The following OGFRL1 variants were observed in gnomAD, a reference collection of about 807,000 sequenced individuals.
OGFRL1 encodes the protein opioid growth factor receptor-like protein 1.
Under a neutral mutation model 32.4 loss-of-function variants are expected in OGFRL1, and 26 were observed. The ratio of observed to expected loss-of-function variants is 0.80; its 90% CI spans 0.59 to 1.11. The LOEUF (loss-of-function observed/expected upper bound fraction) is 1.11, where lower values mean the gene tolerates loss of function less well. Among genes scored for constraint, OGFRL1 ranks in the 50% most tolerant of loss-of-function variants. The probability of loss-of-function intolerance (pLI) is 0.00; values close to 1 mark genes in which losing one functional copy is unlikely to be tolerated. For synonymous variants in OGFRL1, 211 were observed against 201.2 expected (o/e 1.05, Z -0.41); for missense variants, 521 against 546.4 (o/e 0.95, Z 0.46).
At chr6:71,289,198 C>A in intron 1 of OGFRL1, 28 bp downstream of exon 1, 1 of 1,059,492 alleles carries the variant, frequency 9.4e-7, no homozygotes, top group South Asian at 4.0e-5. Context: ...GGCCTCGGGT[C>A]GGGCTGGGGC....
At chr6:71,293,257 G>A (rs369684122) in intron 1 of OGFRL1, 36 bp from the exon 2 acceptor site, 37 of 1,540,294 alleles carry the variant, frequency 2.4e-5, no homozygotes, top group Middle Eastern at 3.4e-4. Context: ...ATTATCTTGC[G>A]TCAACATGTA....
rs1464213301 is a variant in OGFRL1 at position 71,302,415 on chromosome 6, G to A, written c.*366G>A. 1 of 157,118 alleles carries A rather than the reference G, an allele frequency of 6.4e-6. No homozygotes were observed. Among genetic ancestry groups the A allele is most frequent in the Non-Finnish European group, 1.4e-5 (1 of 71,490 alleles). 9.7% of individuals were successfully genotyped at this position (157,118 alleles called of 1,614,324 possible). ...ATAGTCTACATGAAGGAAATCAAGA[G>A]GATAATTTCATTGGATTGCTACACT... is the stretch of plus-strand genomic sequence containing the variant. On this transcript the variant is annotated 3_prime_UTR_variant, in exon 7 of 7. Transcript: ENST00000370435.
intron 1 of OGFRL1, chr6:71,289,719 G>A (rs761151363): frequency 5.6e-5 from 55 of 985,178 alleles, no homozygotes; most frequent in Non-Finnish European, 6.3e-5. Flanking sequence ...TTCAACCTAG[G>A]ATTCAGGGCA....
In OGFRL1 at chr6:71,303,905, A is replaced by ATGTCTAC. The variant is rs1265978446; in HGVS notation, c.*1858_*1864dup. The ATGTCTAC allele has an allele frequency of 6.6e-6, 1 of 152,176 alleles. No homozygotes were observed. Among genetic ancestry groups the ATGTCTAC allele is most frequent in the African/African-American group, 2.4e-5 (1 of 41,452 alleles). The allele number at this position is 152,176 out of a possible 1,614,324, so 9.4% of individuals were successfully genotyped here. A position where few individuals can be genotyped will look rare whatever the true frequency, so the allele number is the denominator to read the frequency against. ...AGTTAAAGCAATGAATAGATGAAACATGTCTACTTTATTTCATTTAGAAAG... is the reference window on the plus strand; with the variant it reads ...AGTTAAAGCAATGAATAGATGAAACATGTCTACTGTCTACTTTATTTCATTTAGAAAG... On this transcript the variant is annotated 3_prime_UTR_variant, in exon 7 of 7. Coordinates refer to ENST00000370435, the MANE Select transcript of OGFRL1 (RefSeq NM_024576.5).
Position 71,308,867 on chromosome 6 carries a change from A to G in OGFRL1, c.*6818A>G, listed in dbSNP as rs1766633969. 1 of 152,198 alleles carries G rather than the reference A, an allele frequency of 6.6e-6. No homozygotes were observed. Among genetic ancestry groups the G allele is most frequent in the South Asian group, 2.1e-4 (1 of 4,830 alleles). 9.4% of individuals were successfully genotyped at this position (152,198 alleles called of 1,614,324 possible). On this transcript the variant is annotated 3_prime_UTR_variant, in exon 7 of 7. Transcript: ENST00000370435. ...CTGTAAAACTAATAAAAGCCACTCC[A>G]TCTTAGATAACATTTTAGCATTGTG... is the stretch of plus-strand genomic sequence containing the variant.
chr6:71,299,282 A>T (rs1766311327), intron 6 of OGFRL1, among the ~76,000 whole-genome samples: 1 of 152,074 alleles, frequency 6.6e-6, no homozygotes, highest in Admixed American at 6.6e-5. Context: ...TAACCCTAAG[A>T]TGGTTTATAC....
At chr6:71,292,393 C>A (rs920076085) in intron 1 of OGFRL1, among the ~76,000 whole-genome samples, 1 of 152,150 alleles carries the variant, frequency 6.6e-6, no homozygotes, top group Non-Finnish European at 1.5e-5. Context: ...AGATGGAGGA[C>A]AGGGGTTGAG....
intron 1 of OGFRL1, chr6:71,289,669 T>G: frequency 1.0e-6 from 1 of 982,670 alleles, no homozygotes; most frequent in Non-Finnish European, 1.2e-6. Flanking sequence ...TAGGCCCTCA[T>G]CTGAAGTTCA....
chr6:71,297,212 G>A (rs901079968), intron 6 of OGFRL1, among the ~76,000 whole-genome samples: 33 of 152,126 alleles, frequency 2.2e-4, no homozygotes, highest in African/African-American at 7.2e-4. Context: ...TAAGCATAAT[G>A]CCTTCTTAAG....
chr6:71,299,702 C>T (rs1561950486), intron 6 of OGFRL1, among the ~76,000 whole-genome samples: 1 of 152,124 alleles, frequency 6.6e-6, no homozygotes, highest in Non-Finnish European at 1.5e-5. Context: ...ATGCAAACTC[C>T]ATAGGAATGT....
At chr6:71,297,606 A>T (rs145627477) in intron 6 of OGFRL1, among the ~76,000 whole-genome samples, 11 of 152,220 alleles carry the variant, frequency 7.2e-5, no homozygotes, top group African/African-American at 2.6e-4. Flanking sequence ...TACAGCCACC[A>T]GCTTTAAAGT....
Position 71,296,719 on chromosome 6 carries a change from T to C in OGFRL1, c.594T>C (p.Tyr198=). ...CAATTAGAAGATTCCTCCTGGCTTA[T>C]AAAATGATGCTAGAATTTTTTGGAA... is the stretch of plus-strand genomic sequence containing the variant. The part of the protein sequence containing the change: ...KEAIRRFLLA[Y]KMMLEFFGIK... The change falls in exon 6 of 7, where the codon TAT becomes TAC. Residue 198 remains tyrosine (Y), a synonymous_variant. Transcript: ENST00000370435. The C allele has an allele frequency of 6.2e-7, 1 of 1,613,630 alleles. No individual in the cohort carries two copies. Among genetic ancestry groups the C allele is most frequent in the Non-Finnish European group, 8.5e-7 (1 of 1,179,710 alleles).
chr6:71,299,860 T>C (rs1259397471), intron 6 of OGFRL1, among the ~76,000 whole-genome samples: 1 of 152,206 alleles, frequency 6.6e-6, no homozygotes, highest in African/African-American at 2.4e-5. Flanking sequence ...GGCTTCACAG[T>C]TGAATGTTAA....
Position 71,302,017 on chromosome 6 carries a change from A to G in OGFRL1, c.1324A>G (p.Thr442Ala). ...CCAAGACAATGAAAATCCTGGAAAT[A>G]CAAATTGCCATGATGTTGTACTAGT... ...DNQDNENPGNTNCHDVVLVQ is the reference protein window; with the variant it reads ...DNQDNENPGNANCHDVVLVQ The change falls in exon 7 of 7, where the codon ACA becomes GCA. Residue 442 changes from threonine (T) to alanine (A), a missense_variant. Coordinates refer to ENST00000370435, the MANE Select transcript of OGFRL1 (RefSeq NM_024576.5). 6.3e-7 allele frequency: 1 copy of G among 1,589,722 alleles called. No homozygotes were observed. Among genetic ancestry groups the G allele is most frequent in the Non-Finnish European group, 8.5e-7 (1 of 1,171,850 alleles).
At chr6:71,293,733 T>G (rs1019813508) in intron 3 of OGFRL1, 122 bp downstream of exon 3, 4 of 641,988 alleles carry the variant, frequency 6.2e-6, no homozygotes, top group South Asian at 2.0e-5. Context: ...TGTGTCCCCT[T>G]GGTAAATTCT....
rs1357738937 is a variant in OGFRL1 at position 71,296,364 on chromosome 6, AAACT to A, written c.449_452del (p.Lys150ArgfsTer14). On this transcript the variant is annotated frameshift_variant, in exon 4 of 7. Coordinates refer to ENST00000370435, the MANE Select transcript of OGFRL1 (RefSeq NM_024576.5). LOFTEE classifies it high-confidence loss of function. ...AAGTAAATGGAAAGGAGATTATGAA[AAACT>A]GGAGCACAACCACACTTACATTCAA... 6.2e-7 allele frequency: 1 copy of A among 1,611,700 alleles called. No homozygotes were observed. Among genetic ancestry groups the A allele is most frequent in the Non-Finnish European group, 8.5e-7 (1 of 1,178,242 alleles).
intron 6 of OGFRL1, among the ~76,000 whole-genome samples, chr6:71,299,267 T>C (rs1179927195): frequency 6.6e-6 from 1 of 152,188 alleles, no homozygotes; most frequent in Non-Finnish European, 1.5e-5. Context: ...CTTTTTCCTA[T>C]AGTGTAACCC....
chr6:71,303,545 T>C lies in OGFRL1; in HGVS notation c.*1496T>C, dbSNP rs1331655689. 3.3e-5 allele frequency: 5 copies of C among 152,176 alleles called. No individual in the cohort carries two copies. Among genetic ancestry groups the C allele is most frequent in the Non-Finnish European group, 7.4e-5 (5 of 67,994 alleles). 9.4% of individuals were successfully genotyped at this position (152,176 alleles called of 1,614,324 possible). A position where few individuals can be genotyped will look rare whatever the true frequency, so the allele number is the denominator to read the frequency against. On this transcript the variant is annotated 3_prime_UTR_variant, in exon 7 of 7. Transcript: ENST00000370435. ...TGTAAATGACTGAAGAATTAAAAAA[T>C]AAGAAATTCCTTTTTAAAAGGCATG...
At chr6:71,298,319 T>C (rs993689781) in intron 6 of OGFRL1, among the ~76,000 whole-genome samples, 5 of 152,104 alleles carry the variant, frequency 3.3e-5, no homozygotes, top group African/African-American at 9.7e-5. Flanking sequence ...CAGCAGCCTA[T>C]TGACATGAAA....
Sources: allele counts gnomAD v4.1 joint callset (sites outside exome capture counted in the v4.1 genomes callset), GRCh38; gene constraint gnomAD v4.1.1; transcripts MANE v1.5; gene names NCBI Gene and HGNC (gene_info 2026-07-23, HGNC 2026-07-21).